Variants in TCF7L2 observed in about 807,000 individuals in gnomAD.
TCF7L2 encodes transcription factor 7-like 2.
TCF7L2 carries 23 observed loss-of-function variants against 77.9 expected under a neutral mutation model. The observed-to-expected ratio is 0.30, with a 90% CI of 0.21 to 0.42. The LOEUF (loss-of-function observed/expected upper bound fraction) is 0.42, where lower values mean the gene tolerates loss of function less well. TCF7L2 is among the 10% of genes least tolerant of loss of function. TCF7L2 has a pLI of 1.00. For missense variants in TCF7L2, 654 were observed against 793.1 expected (o/e 0.82, Z 2.11); for synonymous variants, 413 against 340.2 (o/e 1.21, Z -2.36).
chr10:113,008,359 T>G (rs1228675365), intron 4 of TCF7L2, among the ~76,000 whole-genome samples: 1 of 152,178 alleles, frequency 6.6e-6, no homozygotes, highest in Non-Finnish European at 1.5e-5. Context: ...CCCTTTAGCC[T>G]CTCAGTGCCC....
chr10:112,991,486 C>T (rs929059785), intron 4 of TCF7L2, among the ~76,000 whole-genome samples: 2 of 147,884 alleles, frequency 1.4e-5, no homozygotes, highest in Non-Finnish European at 3.0e-5. Context: ...CCAGCCTGGG[C>T]GACAGAGCGA....
chr10:113,042,960 G>A (rs2052724947), intron 5 of TCF7L2, among the ~76,000 whole-genome samples: 1 of 152,144 alleles, frequency 6.6e-6, no homozygotes, highest in African/African-American at 2.4e-5. Context: ...CCAGACACTT[G>A]GGGCTCTTGT....
At chr10:113,040,302 C>T (rs553427988) in intron 5 of TCF7L2, among the ~76,000 whole-genome samples, 176 bp downstream of exon 5, 19 of 152,180 alleles carry the variant, frequency 1.2e-4, no homozygotes, top group African/African-American at 4.3e-4. Context: ...GCTATTGGAC[C>T]TTAATGATTG....
In TCF7L2 at chr10:113,075,068, A is replaced by T. The variant is rs2058540086; in HGVS notation, c.552+34942A>T. Reference sequence around the variant, plus strand: ...TGTTGTCCAGATCATAACTCACTGTAACCTTGATCTCCTGGGCTGAAGCAA... The same window carrying T: ...TGTTGTCCAGATCATAACTCACTGTTACCTTGATCTCCTGGGCTGAAGCAA... On this transcript the variant is annotated intron_variant, in intron 5 of 13. Coordinates refer to ENST00000627217, the MANE Select transcript of TCF7L2 (RefSeq NM_001146274.2). Among the ~76,000 whole-genome samples, 3 of 152,200 alleles carry T rather than the reference A, an allele frequency of 2.0e-5. No individual in the cohort carries two copies. In the South Asian group the frequency reaches 6.2e-4, roughly 32 times the overall value.
At chr10:113,116,549 G>C (rs2063755670) in intron 5 of TCF7L2, among the ~76,000 whole-genome samples, 2 of 152,162 alleles carry the variant, frequency 1.3e-5, no homozygotes, top group Admixed American at 1.3e-4. Flanking sequence ...TGAAAGTACA[G>C]ATTAAGCCTG....
intron 3 of TCF7L2, among the ~76,000 whole-genome samples, chr10:112,955,123 T>C (rs1400851566): frequency 6.6e-6 from 1 of 152,024 alleles, no homozygotes; most frequent in Non-Finnish European, 1.5e-5. Context: ...CTGATTGTTT[T>C]GACAACACTT....
intron 4 of TCF7L2, among the ~76,000 whole-genome samples, chr10:112,984,384 TC>T (rs2041091015): frequency 6.6e-6 from 1 of 152,166 alleles, no homozygotes; most frequent in East Asian, 1.9e-4. Flanking sequence ...CCTGTTTTCC[TC>T]CCCTCCTTTA....
chr10:113,126,740 G>C (rs1481785042), intron 5 of TCF7L2: 2 of 985,686 alleles, frequency 2.0e-6, no homozygotes, highest in East Asian at 2.3e-4. Context: ...CCGCGGGTGC[G>C]CGGCGGCGGC....
intron 4 of TCF7L2, among the ~76,000 whole-genome samples, chr10:112,975,956 C>G (rs906900080): frequency 6.6e-6 from 1 of 152,162 alleles, no homozygotes; most frequent in Non-Finnish European, 1.5e-5. Context: ...AAGCATGCAT[C>G]CTACCATTGA....
intron 4 of TCF7L2, among the ~76,000 whole-genome samples, chr10:112,983,108 T>A (rs1202954098): frequency 1.3e-5 from 2 of 152,208 alleles, no homozygotes; most frequent in East Asian, 3.9e-4. Context: ...TTGTAACGTC[T>A]GCTCTGTTTT....
chr10:113,021,187 C>A (rs2048216062), intron 4 of TCF7L2, among the ~76,000 whole-genome samples: 2 of 152,178 alleles, frequency 1.3e-5, no homozygotes, highest in South Asian at 4.1e-4. Flanking sequence ...AATTCTGTGA[C>A]CTTGGGCGGG....
chr10:113,132,148 CA>C (rs1306736529), intron 5 of TCF7L2: 1 of 152,198 alleles, frequency 6.6e-6, no homozygotes, highest in East Asian at 1.9e-4. Flanking sequence ...AGGGTTTGAG[CA>C]TTTGTGTTTG....
chr10:113,126,493 T>C (rs2065629180), intron 5 of TCF7L2: 1 of 937,350 alleles, frequency 1.1e-6, no homozygotes, highest in South Asian at 4.9e-5. Flanking sequence ...GCAAACAAAA[T>C]ATCAGGCTTT....
chr10:113,050,448 A>G (rs1445167360), intron 5 of TCF7L2, among the ~76,000 whole-genome samples: 1 of 152,092 alleles, frequency 6.6e-6, no homozygotes, highest in Non-Finnish European at 1.5e-5. Context: ...GTTAGACCCA[A>G]CTCAAGAACA....
intron 5 of TCF7L2, among the ~76,000 whole-genome samples, chr10:113,109,180 G>A (rs1417627448): frequency 1.3e-5 from 2 of 152,198 alleles, no homozygotes; most frequent in African/African-American, 2.4e-5. Flanking sequence ...GCCATGTAGT[G>A]TTGACTTGAA....
intron 5 of TCF7L2, among the ~76,000 whole-genome samples, chr10:113,063,667 A>G (rs7087006): frequency 0.52 from 78,960 of 151,940 alleles, 23,220 homozygotes; most frequent in African/African-American, 0.79. Flanking sequence ...TCCTCCTGGC[A>G]TGCTTCTGTT....
Position 113,141,269 on chromosome 10 carries a change from C to T in TCF7L2, c.638C>T (p.Pro213Leu), listed in dbSNP as rs2136840930. The T allele has an allele frequency of 1.2e-6, 2 of 1,614,170 alleles. No individual in the cohort carries two copies. The highest frequency in any genetic ancestry group is 1.7e-6 in the Non-Finnish European group (2 of 1,180,032). Residue 213 changes from proline to leucine, a missense_variant, in exon 6 of 14, where the codon CCG (proline) becomes CTG (leucine). Pro to Leu is a moderately conservative substitution (Grantham distance 98, BLOSUM62 -3). This residue lies in a region of TCF7L2 where 179 missense variants were observed against 270.6 expected (regional missense o/e 0.66). Coordinates refer to ENST00000627217, the MANE Select transcript of TCF7L2 (RefSeq NM_001146274.2). Reference sequence around the variant, plus strand: ...ACGTACAGCAATGAACACTTCACGCCGGGAAACCCACCTCCACACTTACCA... The same window carrying T: ...ACGTACAGCAATGAACACTTCACGCTGGGAAACCCACCTCCACACTTACCA...
chr10:113,085,428 G>A (rs763972401), intron 5 of TCF7L2, among the ~76,000 whole-genome samples: 4 of 151,828 alleles, frequency 2.6e-5, no homozygotes, highest in Non-Finnish European at 4.4e-5. Context: ...ATTTTTAGGG[G>A]TTTTGTTTTT....
At chr10:112,979,201 G>C (rs1010260153) in intron 4 of TCF7L2, among the ~76,000 whole-genome samples, 2 of 152,128 alleles carry the variant, frequency 1.3e-5, no homozygotes, top group Non-Finnish European at 2.9e-5. Context: ...TAAGGAGCTT[G>C]GCAATGGACC....
Sources: allele counts gnomAD v4.1 joint callset (sites outside exome capture counted in the v4.1 genomes callset), GRCh38; gene constraint gnomAD v4.1.1; regional missense constraint gnomAD v4.1.1; transcripts MANE v1.5; gene names NCBI Gene and HGNC (gene_info 2026-07-23, HGNC 2026-07-21).